Variants in TMEM108 observed in about 807,000 individuals in gnomAD.
TMEM108 encodes the protein cancer/testis antigen 124.
A neutral mutation model predicts 35.1 loss-of-function variants in TMEM108; 12 were observed. The observed-to-expected ratio is 0.34, with a 90% confidence interval of 0.22 to 0.55. The LOEUF (loss-of-function observed/expected upper bound fraction) is 0.55. Among genes scored for constraint, TMEM108 ranks in the 20% least tolerant of loss-of-function variants. The pLI is 0.89. For missense variants in TMEM108, 680 were observed against 753.3 expected (o/e 0.90, Z 1.14); for synonymous variants, 287 against 308.6 (o/e 0.93, Z 0.73).
chr3:133,379,289 C>A (rs1327495754), intron 3 of TMEM108, among the ~76,000 whole-genome samples: 1 of 152,246 alleles, frequency 6.6e-6, no homozygotes, highest in African/African-American at 2.4e-5. Flanking sequence ...TACTGCCACC[C>A]AGGCCTTCCT....
chr3:133,100,640 T>G (rs1944075183), intron 2 of TMEM108, among the ~76,000 whole-genome samples: 1 of 151,976 alleles, frequency 6.6e-6, no homozygotes, highest in East Asian at 1.9e-4. Flanking sequence ...TGGTGAAGAG[T>G]TAAGGATTTG....
At chr3:133,377,111 T>C (rs2072866300) in intron 3 of TMEM108, among the ~76,000 whole-genome samples, 1 of 152,170 alleles carries the variant, frequency 6.6e-6, no homozygotes, top group Admixed American at 6.5e-5. Flanking sequence ...CAGATCGAAT[T>C]AGGGCCCACT....
In TMEM108 at chr3:133,167,502, G is replaced by C. The variant is rs202041561; in HGVS notation, c.-46-61764G>C. ...GCAGGAGCCCACCGTGGGGGGACTT[G>C]GGCATGGTGGGCTACAGGTCCCAAG... On this transcript the variant is annotated intron_variant, in intron 2 of 5. Transcript: ENST00000321871. 2.0e-5 allele frequency among the ~76,000 whole-genome samples: 3 copies of C among 152,266 alleles called. No homozygotes were observed. In the East Asian group the frequency reaches 5.8e-4, roughly 29 times the overall value.
rs147785441 is a variant in TMEM108 at position 133,236,295 on chromosome 3, ACTGT to A, written c.40+6949_40+6952del. 5.1e-3 allele frequency among the ~76,000 whole-genome samples: 777 copies of A among 152,170 alleles called. 3 individuals are homozygous for A. Among genetic ancestry groups the A allele is most frequent in the Non-Finnish European group, 9.3e-3 (634 of 67,960 alleles). On this transcript the variant is annotated intron_variant, in intron 3 of 5. Coordinates refer to ENST00000321871, the MANE Select transcript of TMEM108 (RefSeq NM_023943.4). Reference sequence around the variant, plus strand: ...AGTAATTTTTTGTTCAACTCAGATAACTGTCTGTAGGTCCCTATCTTAGGAAAAG... The same window carrying A: ...AGTAATTTTTTGTTCAACTCAGATAACTGTAGGTCCCTATCTTAGGAAAAG...
intron 3 of TMEM108, among the ~76,000 whole-genome samples, chr3:133,377,786 G>A (rs913831829): frequency 2.6e-5 from 4 of 151,596 alleles, no homozygotes; most frequent in Non-Finnish European, 1.5e-5. Flanking sequence ...GTGGGAGGCC[G>A]GTGAGCCAGC....
chr3:133,134,097 A>G (rs541796813), intron 2 of TMEM108, among the ~76,000 whole-genome samples: 2 of 151,696 alleles, frequency 1.3e-5, no homozygotes, highest in East Asian at 1.9e-4. Context: ...ATACTATTCT[A>G]TATATATATA....
intron 2 of TMEM108, among the ~76,000 whole-genome samples, chr3:133,108,638 T>C (rs1461539355): frequency 1.3e-5 from 2 of 152,170 alleles, no homozygotes; most frequent in African/African-American, 4.8e-5. Flanking sequence ...ATCCCATTTA[T>C]CAATTTTGGC....
chr3:133,362,403 C>T (rs369375053), intron 3 of TMEM108, among the ~76,000 whole-genome samples: 191 of 152,246 alleles, frequency 1.3e-3, no homozygotes, highest in South Asian at 8.9e-3. Context: ...CTCCTACTCC[C>T]CCAGGGAAAC....
intron 3 of TMEM108, among the ~76,000 whole-genome samples, chr3:133,289,639 T>G (rs192581913): frequency 6.6e-6 from 1 of 152,338 alleles, no homozygotes; most frequent in East Asian, 1.9e-4. Context: ...ACTGTGAGGT[T>G]TGAAAAGTAG....
intron 2 of TMEM108, among the ~76,000 whole-genome samples, chr3:133,185,024 G>A (rs903113655): frequency 2.0e-5 from 3 of 152,056 alleles, no homozygotes; most frequent in Non-Finnish European, 2.9e-5. Context: ...ATTTGTAAAG[G>A]GATGTTTAGT....
chr3:133,133,219 A>C (rs1944514768), intron 2 of TMEM108, among the ~76,000 whole-genome samples: 1 of 152,158 alleles, frequency 6.6e-6, no homozygotes, highest in Non-Finnish European at 1.5e-5. Flanking sequence ...CTGTGGGTAA[A>C]ATGTGGCAAA....
Position 133,342,555 on chromosome 3 carries a change from T to TATATATATAC in TMEM108, c.41-37196_41-37195insTATATATACA, listed in dbSNP as rs60991711. ...AAAAAGAAAATGTGGTATATATATA[T>TATATATATAC]ACACACACACACACAATGGAGTACT... On this transcript the variant is annotated intron_variant, in intron 3 of 5. Transcript: ENST00000321871. 7.4e-4 allele frequency among the ~76,000 whole-genome samples: 47 copies of TATATATATAC among 63,426 alleles called. 5 individuals carry two copies. The highest frequency in any genetic ancestry group is 1.2e-3 in the African/African-American group (24 of 19,436). The allele number at this position is 63,426 out of a possible 152,430, so 41.6% of individuals were successfully genotyped here. A position where few individuals can be genotyped will look rare whatever the true frequency, so the allele number is the denominator to read the frequency against.
At chr3:133,325,486 AT>A (rs1559905169) in intron 3 of TMEM108, among the ~76,000 whole-genome samples, 1 of 152,162 alleles carries the variant, frequency 6.6e-6, no homozygotes, top group East Asian at 1.9e-4. Flanking sequence ...AAAAGTCAAA[AT>A]AAAAATTACT....
chr3:133,040,185 GT>G (rs148501899), intron 1 of TMEM108, among the ~76,000 whole-genome samples: 1 of 144,888 alleles, frequency 6.9e-6, no homozygotes, highest in African/African-American at 2.6e-5. Context: ...CTTTATCACA[GT>G]TTTTTTTGTT....
intron 2 of TMEM108, among the ~76,000 whole-genome samples, chr3:133,185,383 C>T (rs1035643347): frequency 1.3e-5 from 2 of 151,936 alleles, no homozygotes; most frequent in African/African-American, 4.8e-5. Flanking sequence ...CTGCATTTCC[C>T]TCTGCCTCTT....
At chr3:133,071,282 G>T (rs375306073) in intron 2 of TMEM108, among the ~76,000 whole-genome samples, 3 of 152,140 alleles carry the variant, frequency 2.0e-5, no homozygotes, top group East Asian at 3.9e-4. Context: ...GTGTCAGCAG[G>T]GTTGGTTTCT....
intron 3 of TMEM108, among the ~76,000 whole-genome samples, chr3:133,339,403 T>C (rs1417214547): frequency 1.3e-5 from 2 of 151,744 alleles, no homozygotes; most frequent in African/African-American, 4.8e-5. Context: ...AGCAAGAGGA[T>C]AGAATAATTT....
intron 3 of TMEM108, among the ~76,000 whole-genome samples, chr3:133,351,032 T>C (rs1199733414): frequency 1.3e-5 from 2 of 152,018 alleles, no homozygotes; most frequent in Non-Finnish European, 2.9e-5. Flanking sequence ...ATTTAAAGAG[T>C]TGTAAAACAA....
At chr3:133,194,104 T>C (rs1945541537) in intron 2 of TMEM108, among the ~76,000 whole-genome samples, 1 of 152,030 alleles carries the variant, frequency 6.6e-6, no homozygotes. Context: ...ACCCGGCTAA[T>C]TTTTGTATTT....
Sources: gnomAD v4.1 joint callset for allele counts (sites outside exome capture counted in the v4.1 genomes callset) on GRCh38, gnomAD v4.1.1 for gene constraint, MANE v1.5 for transcripts, NCBI Gene and HGNC (gene_info 2026-07-23, HGNC 2026-07-21) for gene names.